The following CCBE1 variants were observed in gnomAD, a reference collection of about 807,000 sequenced individuals.
The protein encoded by CCBE1 is collagen and calcium-binding EGF domain-containing protein 1.
Under a neutral mutation model 50.0 loss-of-function variants are expected in CCBE1, and 37 were observed. That is an observed-to-expected ratio of 0.74 (90% CI 0.57 to 0.97). CCBE1 has a LOEUF of 0.97. Ranked by LOEUF, CCBE1 falls within the 50% of genes least tolerant of loss-of-function variation. The pLI is 0.00. For missense variants in CCBE1, 538 were observed against 523.8 expected (o/e 1.03, Z -0.26); for synonymous variants, 234 against 203.7 (o/e 1.15, Z -1.27).
chr18:59,589,813 A>G (rs1033546577), intron 2 of CCBE1, among the ~76,000 whole-genome samples: 1 of 126,058 alleles, frequency 7.9e-6, no homozygotes, highest in African/African-American at 2.8e-5. Context: ...AAAAAAAAAG[A>G]AAGAAAAAAA....
At chr18:59,613,055 C>T (rs1211476446) in intron 2 of CCBE1, among the ~76,000 whole-genome samples, 1 of 151,956 alleles carries the variant, frequency 6.6e-6, no homozygotes, top group Admixed American at 6.6e-5. Context: ...CTAAAGGAAA[C>T]TCCTTCATCA....
intron 5 of CCBE1, chr18:59,465,680 C>G (rs1223487354): frequency 6.6e-6 from 1 of 152,194 alleles, no homozygotes; most frequent in African/African-American, 2.4e-5. Flanking sequence ...TAAACACTCT[C>G]AATTTTTGTT....
At chr18:59,618,633 G>A (rs1263637517) in intron 2 of CCBE1, among the ~76,000 whole-genome samples, 1 of 151,990 alleles carries the variant, frequency 6.6e-6, no homozygotes, top group Non-Finnish European at 1.5e-5. Flanking sequence ...TTGCCATGTT[G>A]GCCAGGCTGG....
chr18:59,547,755 C>T (rs1277183079), intron 2 of CCBE1, among the ~76,000 whole-genome samples: 3 of 152,174 alleles, frequency 2.0e-5, no homozygotes, highest in Admixed American at 6.5e-5. Context: ...AGTGAGACCT[C>T]CAGTGGTGTG....
intron 2 of CCBE1, among the ~76,000 whole-genome samples, chr18:59,574,634 G>T (rs2052965381): frequency 6.6e-6 from 1 of 152,172 alleles, no homozygotes; most frequent in Non-Finnish European, 1.5e-5. Context: ...TAAAAAATGT[G>T]CTGGTTAATG....
rs17770705 is a variant in CCBE1 at position 59,590,160 on chromosome 18, T to C, written c.212+106469A>G. Among the ~76,000 whole-genome samples the C allele has an allele frequency of 3.9e-3, 587 of 152,318 alleles. 2 individuals are homozygous for C. Among genetic ancestry groups the C allele is most frequent in the Non-Finnish European group, 6.5e-3 (440 of 68,030 alleles). On this transcript the variant is annotated intron_variant, in intron 2 of 10. Coordinates refer to ENST00000439986, the MANE Select transcript of CCBE1 (RefSeq NM_133459.4). ...ACATTATTACTTCTTAACATTAACA[T>C]TCTATTTAGCCAAATCAATTAGAGG...
chr18:59,455,144 A>C (rs1444602136), intron 5 of CCBE1, 193 bp from the exon 6 acceptor site: 1 of 676,262 alleles, frequency 1.5e-6, no homozygotes, highest in East Asian at 2.8e-5. Flanking sequence ...GGGAGGACAG[A>C]GGGAGAGGGG....
chr18:59,529,792 T>C (rs1914977774), intron 2 of CCBE1, among the ~76,000 whole-genome samples: 1 of 152,192 alleles, frequency 6.6e-6, no homozygotes, highest in Non-Finnish European at 1.5e-5. Context: ...TTTCTGGTCA[T>C]TGATCTTGGC....
At chr18:59,624,898 A>G (rs1053524254) in intron 2 of CCBE1, among the ~76,000 whole-genome samples, 5 of 152,248 alleles carry the variant, frequency 3.3e-5, no homozygotes, top group African/African-American at 1.2e-4. Context: ...ATTAGCATGG[A>G]TAAAGTATCA....
At chr18:59,557,066 G>T (rs2052666533) in intron 2 of CCBE1, among the ~76,000 whole-genome samples, 1 of 152,140 alleles carries the variant, frequency 6.6e-6, no homozygotes, top group Admixed American at 6.5e-5. Context: ...CAGCTCACAG[G>T]CCAGCAGCTG....
rs184030715 is a variant in CCBE1 at position 59,450,931 on chromosome 18, C to G, written c.655-2828G>C. ...ACATTATTGAGAAGCCATATAACCA[C>G]CTGAGGCAAAGGTGATGCTAGACCG... On this transcript the variant is annotated intron_variant, in intron 6 of 10. Coordinates refer to ENST00000439986, the MANE Select transcript of CCBE1 (RefSeq NM_133459.4). Among the ~76,000 whole-genome samples, 17 of 152,298 alleles carry G rather than the reference C, an allele frequency of 1.1e-4. No individual in the cohort carries two copies. In the South Asian group the frequency reaches 2.3e-3, roughly 20 times the overall value.
intron 2 of CCBE1, among the ~76,000 whole-genome samples, chr18:59,487,810 G>A (rs1221863889): frequency 1.3e-5 from 2 of 152,128 alleles, no homozygotes; most frequent in African/African-American, 4.8e-5. Context: ...ATTAAACATA[G>A]AATTACCATA....
intron 2 of CCBE1, among the ~76,000 whole-genome samples, chr18:59,691,426 G>A (rs529549544): frequency 1.3e-5 from 2 of 152,244 alleles, no homozygotes; most frequent in Non-Finnish European, 2.9e-5. Flanking sequence ...GTTTTTGTTA[G>A]ATGGAGTCTC....
chr18:59,643,940 C>T (rs1314121040), intron 2 of CCBE1, among the ~76,000 whole-genome samples: 1 of 152,180 alleles, frequency 6.6e-6, no homozygotes, highest in Non-Finnish European at 1.5e-5. Context: ...GCAGCCTTTC[C>T]CTAATGTATT....
intron 2 of CCBE1, among the ~76,000 whole-genome samples, chr18:59,623,468 C>T (rs1000327342): frequency 6.6e-6 from 1 of 152,212 alleles, no homozygotes; most frequent in African/African-American, 2.4e-5. Flanking sequence ...TTTTCGAACC[C>T]ACCCACTGTG....
At chr18:59,481,790 A>G (rs1207863788) in intron 2 of CCBE1, among the ~76,000 whole-genome samples, 1 of 152,232 alleles carries the variant, frequency 6.6e-6, no homozygotes, top group African/African-American at 2.4e-5. Context: ...TTACCAGCAG[A>G]CCTGTGTTAA....
intron 2 of CCBE1, among the ~76,000 whole-genome samples, chr18:59,486,931 A>T (rs1004756300): frequency 2.6e-5 from 4 of 151,928 alleles, no homozygotes; most frequent in Non-Finnish European, 5.9e-5. Flanking sequence ...TGACAATATT[A>T]AGAGAATCAT....
intron 2 of CCBE1, among the ~76,000 whole-genome samples, chr18:59,511,530 C>G (rs1398825387): frequency 2.0e-5 from 3 of 152,208 alleles, no homozygotes; most frequent in Non-Finnish European, 4.4e-5. Context: ...TACATATTTT[C>G]TTACATTCAT....
chr18:59,447,567 G>T (rs1178067233), intron 7 of CCBE1, among the ~76,000 whole-genome samples: 1 of 152,200 alleles, frequency 6.6e-6, no homozygotes, highest in Non-Finnish European at 1.5e-5. Flanking sequence ...GTGGAAGGAA[G>T]ACTGGGGAGC....
Sources: allele counts gnomAD v4.1 joint callset (sites outside exome capture counted in the v4.1 genomes callset), GRCh38; gene constraint gnomAD v4.1.1; transcripts MANE v1.5; gene names NCBI Gene and HGNC (gene_info 2026-07-23, HGNC 2026-07-21).